Variants in MPP7 observed in about 807,000 individuals in gnomAD.
The protein encoded by MPP7 is MAGUK p55 scaffold protein 7.
In MPP7, 60 loss-of-function variants were observed where a neutral mutation model predicts 76.5. The ratio of observed to expected loss-of-function variants is 0.78; its 90% CI spans 0.64 to 0.97. MPP7 has a LOEUF of 0.97. Among genes scored for constraint, MPP7 ranks in the 50% least tolerant of loss-of-function variants. The pLI is 0.00. For synonymous variants in MPP7, 237 were observed against 244.5 expected, an observed-to-expected ratio of 0.97 and a Z score of 0.29; for missense variants, 641 against 694.0, an observed-to-expected ratio of 0.92 and a Z score of 0.86.
chr10:28,277,104 T>C, intron 1 of MPP7, among the ~76,000 whole-genome samples: 1 of 151,984 alleles, frequency 6.6e-6, no homozygotes, highest in Non-Finnish European at 1.5e-5. Flanking sequence ...TGAGGATAGC[T>C]TGAGCCTGGG....
At position 28,147,468 on chromosome 10, in the gene MPP7, G is replaced by A. The variant is rs907293627; in HGVS notation, c.315+15C>T. On this transcript the variant is annotated intron_variant, in intron 5 of 16. Transcript: ENST00000683449. ...CTGTTTGAAGGTATTTATTACCGGCGTAACATGTCCTCACCTTCACATTGG... is the reference window on the plus strand; with the variant it reads ...CTGTTTGAAGGTATTTATTACCGGCATAACATGTCCTCACCTTCACATTGG... 25 of 1,607,716 alleles carry A rather than the reference G, an allele frequency of 1.6e-5. No homozygotes were observed. The highest frequency in any genetic ancestry group is 9.4e-5 in the African/African-American group (7 of 74,826).
chr10:28,088,469 G>T (rs1356610328), intron 12 of MPP7, among the ~76,000 whole-genome samples: 1 of 152,058 alleles, frequency 6.6e-6, no homozygotes, highest in Non-Finnish European at 1.5e-5. Flanking sequence ...TCTCTCCCCT[G>T]CTGCCATGTG....
Position 28,113,063 on chromosome 10 carries a change from C to G in MPP7, c.952+6588G>C, listed in dbSNP as rs192026452. On this transcript the variant is annotated intron_variant, in intron 11 of 16. Coordinates refer to ENST00000683449, the MANE Select transcript of MPP7 (RefSeq NM_001318170.2). ...CTCACTATGGGACATACGGATACAG[C>G]CTATTTGACTCACTCCGTGACCTCT... 2.6e-5 allele frequency among the ~76,000 whole-genome samples: 4 copies of G among 152,144 alleles called. No homozygotes were observed. The East Asian group carries it at 5.8e-4, about 22-fold the overall frequency.
intron 6 of MPP7, among the ~76,000 whole-genome samples, chr10:28,126,675 T>C (rs1007678812): frequency 2.6e-5 from 4 of 152,202 alleles, no homozygotes; most frequent in Admixed American, 6.5e-5. Context: ...AGATTGTCTC[T>C]AAAAGGGGGA....
At chr10:28,214,399 A>G (rs1326483487) in intron 2 of MPP7, among the ~76,000 whole-genome samples, 1 of 152,230 alleles carries the variant, frequency 6.6e-6, no homozygotes, top group African/African-American at 2.4e-5. Context: ...ACATGCTTAC[A>G]TCAAAGTTTC....
At chr10:28,099,491 A>C (rs566199566) in intron 11 of MPP7, among the ~76,000 whole-genome samples, 1 of 152,336 alleles carries the variant, frequency 6.6e-6, no homozygotes, top group South Asian at 2.1e-4. Flanking sequence ...AGAGGATTAG[A>C]GAAGGAGCCA....
intron 11 of MPP7, among the ~76,000 whole-genome samples, chr10:28,114,000 G>A (rs1268172125): frequency 6.6e-6 from 1 of 152,166 alleles, no homozygotes; most frequent in African/African-American, 2.4e-5. Flanking sequence ...AGTGGCCAGG[G>A]AGGGCCAGCT....
intron 3 of MPP7, among the ~76,000 whole-genome samples, chr10:28,164,049 G>A (rs1033953639): frequency 2.0e-5 from 3 of 152,194 alleles, no homozygotes; most frequent in African/African-American, 7.2e-5. Context: ...AGGCTTGTGA[G>A]ACACCCACGT....
intron 1 of MPP7, among the ~76,000 whole-genome samples, chr10:28,255,502 C>T (rs1411415573): frequency 2.6e-5 from 4 of 151,878 alleles, no homozygotes; most frequent in African/African-American, 9.7e-5. Context: ...GCAACCTCCG[C>T]CTCCTAGGTT....
intron 2 of MPP7, among the ~76,000 whole-genome samples, chr10:28,328,023 T>C (rs536060181): frequency 1.3e-5 from 2 of 152,364 alleles, no homozygotes; most frequent in South Asian, 2.1e-4. Flanking sequence ...AAGACGTTTT[T>C]GTCCTCATGT....
At chr10:28,247,336 G>A (rs373752398) in intron 1 of MPP7, among the ~76,000 whole-genome samples, 7 of 152,030 alleles carry the variant, frequency 4.6e-5, no homozygotes, top group African/African-American at 1.2e-4. Context: ...AAATTGATTC[G>A]TTTGTAAATA....
chr10:28,183,618 T>C (rs990295104), intron 3 of MPP7, among the ~76,000 whole-genome samples: 1 of 152,094 alleles, frequency 6.6e-6, no homozygotes, highest in African/African-American at 2.4e-5. Context: ...CAAGACCTCA[T>C]CTCAGCAAAA....
At chr10:28,175,580 T>G (rs1353259732) in intron 3 of MPP7, among the ~76,000 whole-genome samples, 2 of 150,054 alleles carry the variant, frequency 1.3e-5, no homozygotes, top group Non-Finnish European at 3.0e-5. Context: ...AAAACATTCT[T>G]TAAACATCAA....
At chr10:28,198,583 T>TAA (rs34071650) in intron 3 of MPP7, among the ~76,000 whole-genome samples, 5 of 145,274 alleles carry the variant, frequency 3.4e-5, no homozygotes, top group African/African-American at 7.5e-5. Context: ...TCAGAGAATT[T>TAA]AAAAAAAAAA....
At chr10:28,274,577 G>A (rs536287059) in intron 1 of MPP7, among the ~76,000 whole-genome samples, 25 of 152,040 alleles carry the variant, frequency 1.6e-4, no homozygotes, top group African/African-American at 6.0e-4. Context: ...AGATTCTTTG[G>A]CTCCCAGAAC....
At chr10:28,224,989 T>C (rs1402824451) in intron 2 of MPP7, among the ~76,000 whole-genome samples, 1 of 152,198 alleles carries the variant, frequency 6.6e-6, no homozygotes, top group African/African-American at 2.4e-5. Context: ...AGTTCTCTAG[T>C]AACTTTTAAA....
At chr10:28,231,488 A>C (rs1838880753) in intron 2 of MPP7, among the ~76,000 whole-genome samples, 1 of 151,886 alleles carries the variant, frequency 6.6e-6, no homozygotes, top group Non-Finnish European at 1.5e-5. Context: ...GAATTGACAA[A>C]ACTCTCACAA....
intron 1 of MPP7, among the ~76,000 whole-genome samples, chr10:28,253,172 C>T (rs945489163): frequency 1.3e-5 from 2 of 152,182 alleles, no homozygotes; most frequent in African/African-American, 2.4e-5. Context: ...TCCCAAAGTG[C>T]TGGGATTACA....
chr10:28,232,438 T>C (rs531279274), intron 2 of MPP7, among the ~76,000 whole-genome samples: 15 of 152,058 alleles, frequency 9.9e-5, no homozygotes, highest in African/African-American at 3.1e-4. Flanking sequence ...TCTCTTCTTT[T>C]AAAGAAAATA....
Sources: gnomAD v4.1 joint callset for allele counts (sites outside exome capture counted in the v4.1 genomes callset) on GRCh38, gnomAD v4.1.1 for gene constraint, MANE v1.5 for transcripts, NCBI Gene and HGNC (gene_info 2026-07-23, HGNC 2026-07-21) for gene names.